SETDB1: variants seen among roughly 807,000 people sequenced by gnomAD.
SETDB1 encodes SET domain bifurcated histone lysine methyltransferase 1, also known as histone-lysine N-methyltransferase SETDB1.
In SETDB1, 31 loss-of-function variants were observed where a neutral mutation model predicts 137.4. That is an observed-to-expected ratio of 0.23 (90% CI 0.17 to 0.30). The LOEUF (loss-of-function observed/expected upper bound fraction) is 0.30. Ranked by LOEUF, SETDB1 falls within the 10% of genes least tolerant of loss-of-function variation. SETDB1 has a pLI of 1.00. For missense variants in SETDB1, 1,113 were observed against 1,631.5 expected, an observed-to-expected ratio of 0.68 and a Z score of 5.47; for synonymous variants, 548 against 579.9, an observed-to-expected ratio of 0.95 and a Z score of 0.79.
chr1:150,946,787 A>G, intron 9 of SETDB1, 99 bp from the exon 10 acceptor site: 1 of 1,395,344 alleles, frequency 7.2e-7, no homozygotes, highest in Non-Finnish European at 1.0e-6. Flanking sequence ...ATCAGGGAGG[A>G]TTCCCAGAGG....
At chr1:150,940,403 T>TA (rs1400393185) in intron 4 of SETDB1, among the ~76,000 whole-genome samples, 1 of 150,980 alleles carries the variant, frequency 6.6e-6, no homozygotes, top group African/African-American at 2.4e-5. Context: ...CCATCTCTAC[T>TA]AAAAAAATAT....
Position 150,950,764 on chromosome 1 carries a change from A to G in SETDB1, c.1890A>G (p.Thr630=), listed in dbSNP as rs759401726. 1.9e-6 allele frequency: 3 copies of G among 1,613,978 alleles called. No individual in the cohort carries two copies. Among genetic ancestry groups the G allele is most frequent in the African/African-American group, 2.7e-5 (2 of 74,886 alleles). ...RKMGFHVIYK[T]PCGLCLRTMQ... The stretch of plus-strand genomic sequence containing the variant: ...TGGGCTTTCATGTTATCTATAAGAC[A>G]CCTTGTGGTCTCTGCCTTCGGACAA... Residue 630 remains threonine (T), a synonymous_variant, in exon 13 of 22, where the codon ACA becomes ACG. Transcript: ENST00000692827.
Position 150,945,125 on chromosome 1 carries a change from C to T in SETDB1, c.1140+17C>T. 5 of 1,613,854 alleles carry T rather than the reference C, an allele frequency of 3.1e-6. No individual in the cohort carries two copies. The highest frequency in any genetic ancestry group is 4.2e-6 in the Non-Finnish European group (5 of 1,179,910). ...CTCTTCCTGGTACTGTTCTTCTCTA[C>T]AATTTTGGAGGCAGAGGTTGGTGGG... On this transcript the variant is annotated intron_variant, in intron 9 of 21. Coordinates refer to ENST00000692827, the MANE Select transcript of SETDB1 (RefSeq NM_001366418.1).
intron 18 of SETDB1, 126 bp downstream of exon 18, chr1:150,962,845 T>C: frequency 1.4e-6 from 2 of 1,452,322 alleles, no homozygotes; most frequent in South Asian, 2.5e-5. Context: ...TCCTGCCTTA[T>C]TTTCTTTCAT....
intron 1 of SETDB1, 82 bp downstream of exon 1, chr1:150,926,599 TG>T: frequency 5.1e-6 from 2 of 395,636 alleles, no homozygotes. Context: ...CGGGCGAGGG[TG>T]GGAAGGAAGT....
intron 14 of SETDB1, among the ~76,000 whole-genome samples, chr1:150,958,285 C>T (rs1670715246): frequency 1.4e-5 from 2 of 144,960 alleles, no homozygotes; most frequent in South Asian, 2.2e-4. Flanking sequence ...AGAGTCTCAC[C>T]CTGTCGCCCA....
At position 150,959,743 on chromosome 1, in the gene SETDB1, CT is replaced by C. The variant is rs1183469542; in HGVS notation, c.2503+399del. ...TTAAAATGACAGTAAGTTCTCCATACTTTCATAGTTAAGATACAAAGGGAGG... is the reference window on the plus strand; with the variant it reads ...TTAAAATGACAGTAAGTTCTCCATACTTCATAGTTAAGATACAAAGGGAGG... On this transcript the variant is annotated intron_variant, in intron 15 of 21. Transcript: ENST00000692827. 2.0e-5 allele frequency among the ~76,000 whole-genome samples: 3 copies of C among 152,156 alleles called. No homozygotes were observed. The East Asian group carries it at 5.8e-4, about 29-fold the overall frequency.
intron 14 of SETDB1, among the ~76,000 whole-genome samples, chr1:150,957,299 C>G (rs141128530): frequency 2.0e-5 from 3 of 151,968 alleles, no homozygotes; most frequent in South Asian, 2.1e-4. Flanking sequence ...ACCCAGGAAG[C>G]GGAGGTTGGG....
intron 9 of SETDB1, 44 bp downstream of exon 9, chr1:150,945,152 G>T (rs1440410027): frequency 7.4e-6 from 12 of 1,611,680 alleles, no homozygotes; most frequent in Non-Finnish European, 1.0e-5. Flanking sequence ...GTTGGTGGGG[G>T]GGGAACTTAA....
intron 3 of SETDB1, among the ~76,000 whole-genome samples, chr1:150,939,368 A>G (rs1310333148): frequency 6.6e-6 from 1 of 151,394 alleles, no homozygotes; most frequent in Non-Finnish European, 1.5e-5. Context: ...CGTTCTGTCA[A>G]CCAGGCTGGA....
intron 21 of SETDB1, 37 bp from the exon 22 acceptor site, chr1:150,964,210 T>C (rs753756221): frequency 1.9e-6 from 3 of 1,587,434 alleles, no homozygotes; most frequent in Non-Finnish European, 1.7e-6. Context: ...GGTTATCTGC[T>C]GTCTTTGCCA....
chr1:150,940,243 C>T (rs1213867875), intron 4 of SETDB1, among the ~76,000 whole-genome samples: 2 of 152,014 alleles, frequency 1.3e-5, no homozygotes, highest in African/African-American at 2.4e-5. Flanking sequence ...AACATTGAAA[C>T]GTTGATTTTT....
intron 3 of SETDB1, among the ~76,000 whole-genome samples, chr1:150,931,548 A>G (rs1336874118): frequency 4.0e-5 from 6 of 151,030 alleles, no homozygotes; most frequent in Non-Finnish European, 7.4e-5. Context: ...CCACACTACT[A>G]CATGTATACA....
intron 3 of SETDB1, among the ~76,000 whole-genome samples, chr1:150,933,740 C>G (rs900149513): frequency 2.2e-5 from 3 of 138,056 alleles, no homozygotes; most frequent in Non-Finnish European, 4.7e-5. Flanking sequence ...TGTCATTCTT[C>G]TGATTTTTCT....
At chr1:150,941,519 A>G (rs1670149018) in intron 5 of SETDB1, 91 bp downstream of exon 5, 1 of 759,172 alleles carries the variant, frequency 1.3e-6, no homozygotes, top group Middle Eastern at 2.4e-4. Context: ...TGTTTGTGAC[A>G]TGCCAGACTC....
chr1:150,963,309 C>G (rs986666875), intron 19 of SETDB1, 170 bp downstream of exon 19: 7 of 720,570 alleles, frequency 9.7e-6, no homozygotes, highest in Non-Finnish European at 1.6e-5. Context: ...GACACATCCT[C>G]TCTCATTTCC....
chr1:150,962,467 G>A (rs1416226312), intron 17 of SETDB1, 120 bp from the exon 18 acceptor site: 23 of 938,378 alleles, frequency 2.5e-5, no homozygotes, highest in East Asian at 7.2e-5. Context: ...ATGAGCTACC[G>A]TGTCCAGCCC....
At position 150,950,491 on chromosome 1, in the gene SETDB1, A is replaced by G. The variant is rs369489665; in HGVS notation, c.1617A>G (p.Ala539=). Residue 539 remains alanine, a synonymous_variant, in exon 13 of 22, where the codon GCA becomes GCG. Transcript: ENST00000692827. The part of the protein sequence containing the change: ...SPLGSTASAP[A]PSALPAPPAP... The stretch of plus-strand genomic sequence containing the variant: ...TAGGCTCCACAGCCTCTGCCCCAGC[A>G]CCCTCAGCACTCCCGGCCCCTCCAG... The G allele has an allele frequency of 1.2e-5, 20 of 1,610,130 alleles. No homozygotes were observed. The Middle Eastern group carries it at 6.7e-4, about 54-fold the overall frequency.
At chr1:150,928,778 C>T (rs1356178539) in intron 2 of SETDB1, among the ~76,000 whole-genome samples, 1 of 151,514 alleles carries the variant, frequency 6.6e-6, no homozygotes, top group Non-Finnish European at 1.5e-5. Context: ...CAGTATGTGA[C>T]GTTCCCCATC....
Sources: allele counts gnomAD v4.1 joint callset (sites outside exome capture counted in the v4.1 genomes callset), GRCh38; gene constraint gnomAD v4.1.1; transcripts MANE v1.5; gene names NCBI Gene and HGNC (gene_info 2026-07-23, HGNC 2026-07-21).